ARHGAP20: variants seen among roughly 807,000 people sequenced by gnomAD.
ARHGAP20 encodes the protein rho GTPase-activating protein 20.
Under a neutral mutation model 73.7 loss-of-function variants are expected in ARHGAP20, and 34 were observed. The ratio of observed to expected loss-of-function variants is 0.46; its 90% CI spans 0.35 to 0.61. The LOEUF is 0.61. Among genes scored for constraint, ARHGAP20 ranks in the 20% least tolerant of loss-of-function variants. The pLI is 0.00. For synonymous variants in ARHGAP20, 523 were observed against 518.2 expected, an observed-to-expected ratio of 1.01 and a Z score of -0.13; for missense variants, 1,314 against 1,420.9, an observed-to-expected ratio of 0.92 and a Z score of 1.21.
At chr11:110,614,523 G>C in intron 6 of ARHGAP20, 38 bp downstream of exon 6, 1 of 1,551,174 alleles carries the variant, frequency 6.4e-7, no homozygotes, top group Non-Finnish European at 8.9e-7. Context: ...TCTTATGCAG[G>C]GACTTGGAAT....
chr11:110,609,729 G>A (rs1948321605), intron 7 of ARHGAP20, among the ~76,000 whole-genome samples: 1 of 152,262 alleles, frequency 6.6e-6, no homozygotes. Flanking sequence ...TGTTTTAAAT[G>A]AAGCTAGAAC....
chr11:110,619,890 C>A (rs1335661722), intron 4 of ARHGAP20, among the ~76,000 whole-genome samples: 6 of 152,078 alleles, frequency 3.9e-5, no homozygotes, highest in Admixed American at 3.9e-4. Context: ...GATGTGACTA[C>A]CCTGTTTTCC....
chr11:110,625,692 T>G (rs951852450), intron 3 of ARHGAP20, among the ~76,000 whole-genome samples: 1 of 148,172 alleles, frequency 6.7e-6, no homozygotes, highest in Non-Finnish European at 1.5e-5. Context: ...TGTAGACTCC[T>G]GATATGGAAA....
intron 1 of ARHGAP20, among the ~76,000 whole-genome samples, chr11:110,709,068 C>T (rs529304125): frequency 1.3e-5 from 2 of 152,286 alleles, no homozygotes; most frequent in African/African-American, 2.4e-5. Flanking sequence ...GAGGAAACTA[C>T]ACCACAGAGA....
intron 11 of ARHGAP20, chr11:110,589,405 T>C: frequency 1.0e-6 from 1 of 985,174 alleles, no homozygotes; most frequent in African/African-American, 1.7e-5. Context: ...AGTCATGAAG[T>C]AACATTCTGT....
chr11:110,625,269 C>T (rs562028520), intron 3 of ARHGAP20, among the ~76,000 whole-genome samples: 4 of 151,608 alleles, frequency 2.6e-5, no homozygotes, highest in South Asian at 2.1e-4. Context: ...GATCTCTTGA[C>T]CTCATGATCC....
chr11:110,599,534 G>A (rs1347431092), intron 9 of ARHGAP20, among the ~76,000 whole-genome samples: 1 of 152,216 alleles, frequency 6.6e-6, no homozygotes, highest in Admixed American at 6.5e-5. Flanking sequence ...AGGTTCCTGG[G>A]CAGAAGGGGG....
intron 2 of ARHGAP20, among the ~76,000 whole-genome samples, chr11:110,653,629 G>GTA (rs1307538348): frequency 6.6e-6 from 1 of 152,202 alleles, no homozygotes; most frequent in Non-Finnish European, 1.5e-5. Context: ...TGGTGGGAAT[G>GTA]TAAATTAGTT....
chr11:110,604,551 A>C (rs557135001), intron 9 of ARHGAP20, among the ~76,000 whole-genome samples: 43 of 152,158 alleles, frequency 2.8e-4, no homozygotes, highest in Non-Finnish European at 5.4e-4. Flanking sequence ...AGAAGAGTAG[A>C]AGATTATTAT....
intron 1 of ARHGAP20, among the ~76,000 whole-genome samples, chr11:110,710,386 T>C (rs1320490108): frequency 6.6e-6 from 1 of 151,882 alleles, no homozygotes; most frequent in Non-Finnish European, 1.5e-5. Context: ...TAAATGATAA[T>C]AAAGCTCCTC....
chr11:110,595,467 A>G (rs1947933844), intron 9 of ARHGAP20, among the ~76,000 whole-genome samples: 1 of 152,206 alleles, frequency 6.6e-6, no homozygotes, highest in Non-Finnish European at 1.5e-5. Context: ...AAATCAATGT[A>G]CAAAAATAAC....
At chr11:110,708,901 T>A (rs1950597296) in intron 1 of ARHGAP20, among the ~76,000 whole-genome samples, 1 of 152,216 alleles carries the variant, frequency 6.6e-6, no homozygotes, top group Non-Finnish European at 1.5e-5. Context: ...TCAATGAAGC[T>A]GTTAAAAAAT....
intron 2 of ARHGAP20, among the ~76,000 whole-genome samples, chr11:110,650,163 T>C (rs575369316): frequency 6.6e-6 from 1 of 152,294 alleles, no homozygotes; most frequent in East Asian, 1.9e-4. Flanking sequence ...TTTATATCTA[T>C]ATGCCATGTT....
At chr11:110,712,065 G>C in intron 1 of ARHGAP20, 62 bp downstream of exon 1, 8 of 1,249,838 alleles carry the variant, frequency 6.4e-6, no homozygotes, top group Non-Finnish European at 8.0e-6. Flanking sequence ...GGCGCGGAGG[G>C]CGCGCGCCGG....
At chr11:110,681,015 T>C (rs1198610775) in intron 2 of ARHGAP20, among the ~76,000 whole-genome samples, 1 of 152,200 alleles carries the variant, frequency 6.6e-6, no homozygotes, top group Non-Finnish European at 1.5e-5. Flanking sequence ...TTTTGCAGGC[T>C]ACTGGCAATC....
At chr11:110,659,638 G>A (rs535346837) in intron 2 of ARHGAP20, among the ~76,000 whole-genome samples, 16 of 152,120 alleles carry the variant, frequency 1.1e-4, no homozygotes, top group Non-Finnish European at 1.9e-4. Flanking sequence ...CCTTGCCCAT[G>A]CCTATGTCCT....
rs772484623 is a variant in ARHGAP20 at position 110,712,181 on chromosome 11, G to A, written c.51C>T (p.Arg17=). The change falls in exon 1 of 15, where the codon CGC becomes CGT. Residue 17 remains arginine (R), a synonymous_variant. Coordinates refer to ENST00000683387, the MANE Select transcript of ARHGAP20 (RefSeq NM_001384657.1). ...QQETLGGQPG[R]SSSLTGVSRL... is the part of the protein sequence containing the mutation. ...GAGACACTCCTGTCAGGGAAGAGGA[G>A]CGCCCCGGCTGTCCCCCTAGAGTCT... 1 of 1,366,082 alleles carries A rather than the reference G, an allele frequency of 7.3e-7. No individual in the cohort carries two copies. The highest frequency in any genetic ancestry group is 2.8e-5 in the East Asian group (1 of 35,490). 84.6% of individuals were successfully genotyped at this position (1,366,082 alleles called of 1,614,324 possible). A position where few individuals can be genotyped will look rare whatever the true frequency, so the allele number is the denominator to read the frequency against.
At chr11:110,638,130 T>C (rs117046222) in intron 2 of ARHGAP20, among the ~76,000 whole-genome samples, 1 of 151,986 alleles carries the variant, frequency 6.6e-6, no homozygotes, top group Non-Finnish European at 1.5e-5. Context: ...ATCCTAAAAT[T>C]TTTGAGCACC....
chr11:110,590,263 T>A (rs914142720), intron 11 of ARHGAP20, among the ~76,000 whole-genome samples: 1 of 152,216 alleles, frequency 6.6e-6, no homozygotes, highest in Non-Finnish European at 1.5e-5. Flanking sequence ...GTCTAATGTT[T>A]ATATTTGAAA....
Sources: allele counts gnomAD v4.1 joint callset (sites outside exome capture counted in the v4.1 genomes callset), GRCh38; gene constraint gnomAD v4.1.1; transcripts MANE v1.5; gene names NCBI Gene and HGNC (gene_info 2026-07-23, HGNC 2026-07-21).